Variants in SENP6 observed in about 807,000 individuals in gnomAD.
SENP6 encodes the protein sentrin-specific protease 6.
In SENP6, 41 loss-of-function variants were observed where a neutral mutation model predicts 134.5. That is an observed-to-expected ratio of 0.30 (90% confidence interval 0.24 to 0.40). SENP6 has a LOEUF of 0.40. SENP6 is among the 10% of genes least tolerant of loss of function. The probability of loss-of-function intolerance (pLI) is 1.00; values close to 1 mark genes in which losing one functional copy is unlikely to be tolerated. For missense variants in SENP6, 1,248 were observed against 1,312.5 expected (o/e 0.95, Z 0.76); for synonymous variants, 395 against 429.8 (o/e 0.92, Z 1.00).
Position 75,702,839 on chromosome 6 carries a change from TA to T in SENP6, c.2486del (p.Asn829ThrfsTer6). 6.2e-7 allele frequency: 1 copy of T among 1,614,092 alleles called. No individual in the cohort carries two copies. On this transcript the variant is annotated frameshift_variant, in exon 19 of 24. Coordinates refer to ENST00000447266, the MANE Select transcript of SENP6 (RefSeq NM_015571.4). LOFTEE classifies it high-confidence loss of function. ...GCCAAGCCTGTAATTAAGAAGATGC[TA>T]AACAAAAAACATTGCATAGCTGTAA... ...SSAKPVIKKM[L>X]NKKHCIAVID...
chr6:75,604,122 C>T (rs566901795), intron 1 of SENP6, among the ~76,000 whole-genome samples: 10 of 152,074 alleles, frequency 6.6e-5, no homozygotes, highest in Admixed American at 2.6e-4. Flanking sequence ...TCTATAGGCC[C>T]GATTGAGTTA....
Position 75,656,667 on chromosome 6 carries a change from T to C in SENP6, c.551-2595T>C, listed in dbSNP as rs976907307. ...TGAGGCTAACATTTTTGTGTTTTTT[T>C]CTTAACTCTCTATAGATCTAGTTTC... On this transcript the variant is annotated intron_variant, in intron 7 of 23. Transcript: ENST00000447266. Among the ~76,000 whole-genome samples the C allele has an allele frequency of 2.0e-5, 3 of 152,344 alleles. No homozygotes were observed. The South Asian group carries it at 6.2e-4, about 32-fold the overall frequency.
chr6:75,711,282 T>C lies in SENP6; in HGVS notation c.2821-46T>C, dbSNP rs531796574. ...TGCTATTTTGTTAGGTTATTAGTTATTTAGATTATATATTTTCAGTATTAA... is the reference window on the plus strand; with the variant it reads ...TGCTATTTTGTTAGGTTATTAGTTACTTAGATTATATATTTTCAGTATTAA... On this transcript the variant is annotated intron_variant, in intron 20 of 23. Coordinates refer to ENST00000447266, the MANE Select transcript of SENP6 (RefSeq NM_015571.4). 164 of 1,357,124 alleles carry C rather than the reference T, an allele frequency of 1.2e-4. No homozygotes were observed. The South Asian group carries it at 1.9e-3, about 16-fold the overall frequency. 84.1% of individuals were successfully genotyped at this position (1,357,124 alleles called of 1,614,324 possible).
At position 75,659,360 on chromosome 6, in the gene SENP6, ACTC is replaced by A. The variant is rs1562016289; in HGVS notation, c.656_658del (p.Pro219del). On this transcript the variant is annotated inframe_deletion, in exon 8 of 24. Transcript: ENST00000447266. Reference sequence around the variant, plus strand: ...ACGACACTGTAGTACCTATCAGCCTACTCCTCCTCTATCTCCTGCTTCAAAAAA... The same window carrying A: ...ACGACACTGTAGTACCTATCAGCCTACTCCTCTATCTCCTGCTTCAAAAAA... 3.1e-6 allele frequency: 5 copies of A among 1,611,234 alleles called. No individual in the cohort carries two copies. The South Asian group carries it at 5.5e-5, about 18-fold the overall frequency.
chr6:75,715,805 A>T lies in SENP6; in HGVS notation c.*211A>T, dbSNP rs571745890. The T allele has an allele frequency of 5.9e-6, 2 of 339,850 alleles. No homozygotes were observed. Among genetic ancestry groups the T allele is most frequent in the African/African-American group, 2.1e-5 (1 of 47,134 alleles). 21.1% of individuals were successfully genotyped at this position (339,850 alleles called of 1,614,324 possible). A position where few individuals can be genotyped will look rare whatever the true frequency, so the allele number is the denominator to read the frequency against. On this transcript the variant is annotated 3_prime_UTR_variant, in exon 24 of 24. Transcript: ENST00000447266. ...GCCAATTTTTCCAGCATTTATAATTATTTTTTTCACTTGTTAGGAAGCTTT... is the reference window on the plus strand; with the variant it reads ...GCCAATTTTTCCAGCATTTATAATTTTTTTTTTCACTTGTTAGGAAGCTTT...
intron 1 of SENP6, among the ~76,000 whole-genome samples, chr6:75,606,163 A>G (rs183484406): frequency 3.9e-5 from 6 of 152,340 alleles, no homozygotes; most frequent in Admixed American, 3.3e-4. Context: ...GCTCTGAAGT[A>G]TGTTTTATAT....
At chr6:75,709,423 T>C in intron 19 of SENP6, 104 bp from the exon 20 acceptor site, 1 of 681,124 alleles carries the variant, frequency 1.5e-6, no homozygotes, top group Non-Finnish European at 2.4e-6. Flanking sequence ...TTTGTGTTCT[T>C]GACTACTGTA....
rs183185641 is a variant in SENP6, at chr6:75,714,199, A to G, written c.3129+374A>G. Among the ~76,000 whole-genome samples the G allele has an allele frequency of 9.2e-5, 14 of 152,264 alleles. No homozygotes were observed. The East Asian group carries it at 2.7e-3, about 29-fold the overall frequency. ...TTCACTCTCTAATTCTACAGATTCT[A>G]CTTCTCAAATCTCTAAAATCTGGCT... On this transcript the variant is annotated intron_variant, in intron 23 of 23. Coordinates refer to ENST00000447266, the MANE Select transcript of SENP6 (RefSeq NM_015571.4).
Position 75,715,470 on chromosome 6 carries a change from G to A in SENP6, c.3215G>A (p.Arg1072Gln), listed in dbSNP as rs73458808. ...PRMRTKREEI[R>Q]NIILKLQEDQ... ...ATGAGAACAAAAAGAGAAGAAATCCGAAACATAATTCTGAAGCTACAGGAA... is the reference window on the plus strand; with the variant it reads ...ATGAGAACAAAAAGAGAAGAAATCCAAAACATAATTCTGAAGCTACAGGAA... Residue 1072 changes from arginine to glutamine, a missense_variant, in exon 24 of 24, where the codon CGA (arginine) becomes CAA (glutamine). Transcript: ENST00000447266. 2.6e-5 allele frequency: 42 copies of A among 1,613,294 alleles called. No individual in the cohort carries two copies. In the African/African-American group the frequency reaches 4.0e-4, roughly 15 times the overall value.
At chr6:75,638,120 C>T (rs904882511) in intron 5 of SENP6, among the ~76,000 whole-genome samples, 3 of 152,068 alleles carry the variant, frequency 2.0e-5, no homozygotes, top group Admixed American at 6.6e-5. Context: ...CCTTGGCCTC[C>T]CAAAGTGCTG....
intron 19 of SENP6, among the ~76,000 whole-genome samples, chr6:75,707,735 T>C (rs906237582): frequency 3.9e-5 from 6 of 152,036 alleles, no homozygotes; most frequent in African/African-American, 1.4e-4. Context: ...AAGTTAAGAG[T>C]ACAGCAATAC....
chr6:75,671,420 A>G (rs143633223), intron 11 of SENP6, among the ~76,000 whole-genome samples: 26 of 152,286 alleles, frequency 1.7e-4, no homozygotes, highest in African/African-American at 6.3e-4. Context: ...TACATAAAGC[A>G]CTTGTCTTTA....
chr6:75,634,586 A>T lies in SENP6; in HGVS notation c.354-121A>T, dbSNP rs1055857080. On this transcript the variant is annotated intron_variant, in intron 4 of 23. Coordinates refer to ENST00000447266, the MANE Select transcript of SENP6 (RefSeq NM_015571.4). ...CAAAAGACAATTGGGTTTATCCATA[A>T]ATTTTTTGTTGTTGTTGGTAAAGGT... is the stretch of plus-strand genomic sequence containing the variant. 7.3e-6 allele frequency: 4 copies of T among 545,418 alleles called. No individual in the cohort carries two copies. In the African/African-American group the frequency reaches 8.0e-5, roughly 11 times the overall value. 33.8% of individuals were successfully genotyped at this position (545,418 alleles called of 1,614,324 possible).
intron 19 of SENP6, among the ~76,000 whole-genome samples, chr6:75,708,889 G>A (rs374744474): frequency 2.0e-3 from 301 of 152,034 alleles, no homozygotes; most frequent in African/African-American, 4.4e-3. Context: ...GCAAGACCCC[G>A]TCTCAAAAAA....
At chr6:75,624,474 T>C (rs1582694395) in intron 3 of SENP6, among the ~76,000 whole-genome samples, 1 of 152,168 alleles carries the variant, frequency 6.6e-6, no homozygotes, top group African/African-American at 2.4e-5. Context: ...CAGGTCCATT[T>C]CTAATTTTGG....
intron 1 of SENP6, among the ~76,000 whole-genome samples, chr6:75,609,124 A>AC (rs1324199864): frequency 1.5e-5 from 2 of 136,828 alleles, no homozygotes; most frequent in South Asian, 2.3e-4. Flanking sequence ...AGCTTAAGTT[A>AC]TTGGGGAAGT....
chr6:75,624,132 T>C (rs892007282), intron 3 of SENP6, among the ~76,000 whole-genome samples, 172 bp downstream of exon 3: 2 of 152,184 alleles, frequency 1.3e-5, no homozygotes, highest in East Asian at 1.9e-4. Context: ...TCATGCATTA[T>C]AAAGAAGAGA....
At chr6:75,614,007 A>G (rs993174726) in intron 1 of SENP6, among the ~76,000 whole-genome samples, 5 of 152,176 alleles carry the variant, frequency 3.3e-5, no homozygotes, top group Admixed American at 2.6e-4. Flanking sequence ...TGACCTTGAC[A>G]TATTTTAAGA....
At chr6:75,700,781 C>A (rs184550755) in intron 18 of SENP6, among the ~76,000 whole-genome samples, 1 of 152,156 alleles carries the variant, frequency 6.6e-6, no homozygotes, top group East Asian at 1.9e-4. Flanking sequence ...TGTGAGCCAC[C>A]GTGCCCGGCA....
Sources: gnomAD v4.1 joint callset for allele counts (sites outside exome capture counted in the v4.1 genomes callset) on GRCh38, gnomAD v4.1.1 for gene constraint, MANE v1.5 for transcripts, NCBI Gene and HGNC (gene_info 2026-07-23, HGNC 2026-07-21) for gene names.